Variants in DNAH17 observed in about 807,000 individuals in gnomAD.
The protein encoded by DNAH17 is axonemal beta dynein heavy chain 17.
Under a neutral mutation model 485.6 loss-of-function variants are expected in DNAH17, and 376 were observed. That is an observed-to-expected ratio of 0.77 (90% confidence interval 0.71 to 0.84). The LOEUF is 0.84. Ranked by LOEUF, DNAH17 falls within the 40% of genes least tolerant of loss-of-function variation. The pLI is 0.00. For missense variants in DNAH17, 6,370 were observed against 5,839.3 expected, an observed-to-expected ratio of 1.09 and a Z score of -2.96; for synonymous variants, 3,031 against 2,405.9, an observed-to-expected ratio of 1.26 and a Z score of -7.60.
At chr17:78,539,392 A>T (rs1369803113) in intron 18 of DNAH17, among the ~76,000 whole-genome samples, 1 of 152,156 alleles carries the variant, frequency 6.6e-6, no homozygotes, top group East Asian at 1.9e-4. Flanking sequence ...GTTGTTGCTG[A>T]CAGGAGACCC....
Position 78,423,988 on chromosome 17 carries a change from T to A in DNAH17, c.13307A>T (p.Tyr4436Phe), listed in dbSNP as rs746936275. 38 of 1,613,844 alleles carry A rather than the reference T, an allele frequency of 2.4e-5. No homozygotes were observed. The South Asian group carries it at 3.8e-4, about 16-fold the overall frequency. Residue 4436 changes from tyrosine (Y) to phenylalanine (F), a missense_variant, in exon 81 of 81, where the codon TAT (tyrosine) becomes TTT (phenylalanine). Coordinates refer to ENST00000389840, the MANE Select transcript of DNAH17 (RefSeq NM_173628.4). ...VYKTRIRGPT[Y>F]VWTFNLKTKE... is the part of the protein sequence containing the mutation. ...GGTCTTCAAGTTAAAGGTCCAGACA[T>A]AGGTGGGGCCGCGGATGCGTGTTTT...
intron 75 of DNAH17, among the ~76,000 whole-genome samples, chr17:78,433,074 C>T (rs1243969973): frequency 6.6e-6 from 1 of 152,154 alleles, no homozygotes; most frequent in Non-Finnish European, 1.5e-5. Flanking sequence ...ACCTTGCTCT[C>T]TCTGAGCCAG....
chr17:78,508,969 GTT>G (rs112772580), intron 27 of DNAH17, among the ~76,000 whole-genome samples: 3 of 98,794 alleles, frequency 3.0e-5, no homozygotes, highest in Admixed American at 2.1e-4. Context: ...GTGCCCAGCT[GTT>G]TTTTTTTTTT....
At chr17:78,532,988 C>A (rs2091281699) in intron 19 of DNAH17, 2 of 356,614 alleles carry the variant, frequency 5.6e-6, no homozygotes, top group South Asian at 4.1e-5. Context: ...AACTCCTGGG[C>A]TCAAGCGATC....
At chr17:78,443,517 T>TA (rs950434216) in intron 71 of DNAH17, among the ~76,000 whole-genome samples, 3 of 151,142 alleles carry the variant, frequency 2.0e-5, no homozygotes, top group African/African-American at 7.3e-5. Context: ...TCCTGGGAGT[T>TA]AGGCCTCTGC....
At chr17:78,471,968 C>T (rs1267079868) in intron 54 of DNAH17, among the ~76,000 whole-genome samples, 1 of 152,232 alleles carries the variant, frequency 6.6e-6, no homozygotes, top group Non-Finnish European at 1.5e-5. Context: ...CTCCCCCACC[C>T]TCCCTCCTAT....
At chr17:78,519,124 C>T (rs903275730) in intron 25 of DNAH17, among the ~76,000 whole-genome samples, 2 of 130,308 alleles carry the variant, frequency 1.5e-5, no homozygotes, top group East Asian at 2.3e-4. Flanking sequence ...GCCAAGATAG[C>T]GCCACTGCAG....
intron 74 of DNAH17, among the ~76,000 whole-genome samples, chr17:78,436,138 G>T (rs2086844204): frequency 6.6e-6 from 1 of 152,314 alleles, no homozygotes; most frequent in East Asian, 1.9e-4. Flanking sequence ...GAATGATACA[G>T]GGTGTTGGCC....
intron 58 of DNAH17, 96 bp from the exon 59 acceptor site, chr17:78,460,353 TGCATGTATGC>T: frequency 9.9e-7 from 1 of 1,008,490 alleles, no homozygotes; most frequent in Non-Finnish European, 1.5e-6. Flanking sequence ...TGCATGTGTG[TGCATGTATGC>T]ACGTGCATGA....
At chr17:78,532,301 C>T (rs560584547) in intron 20 of DNAH17, among the ~76,000 whole-genome samples, 181 bp downstream of exon 20, 2 of 152,342 alleles carry the variant, frequency 1.3e-5, no homozygotes, top group South Asian at 4.1e-4. Flanking sequence ...GCTATGCCCC[C>T]TTCTTGGGAA....
chr17:78,512,200 G>A (rs1392600481), intron 26 of DNAH17, among the ~76,000 whole-genome samples: 6 of 152,164 alleles, frequency 3.9e-5, no homozygotes, highest in Non-Finnish European at 2.9e-5. Flanking sequence ...GGAAGCCGTG[G>A]GCTAAGCATT....
At chr17:78,510,781 A>C in intron 26 of DNAH17, 1 of 382,910 alleles carries the variant, frequency 2.6e-6, no homozygotes, top group Non-Finnish European at 4.9e-6. Context: ...TCCGCCCAGA[A>C]CCTTCACGTG....
At chr17:78,511,758 T>C (rs576140457) in intron 26 of DNAH17, among the ~76,000 whole-genome samples, 18 of 152,382 alleles carry the variant, frequency 1.2e-4, no homozygotes, top group African/African-American at 4.3e-4. Context: ...GGGACATATG[T>C]GCCCGAGGCT....
At chr17:78,560,274 G>C (rs764868949) in intron 13 of DNAH17, among the ~76,000 whole-genome samples, 1 of 152,174 alleles carries the variant, frequency 6.6e-6, no homozygotes, top group Non-Finnish European at 1.5e-5. Context: ...AGGAAGAGCC[G>C]CATCTCTGGT....
chr17:78,508,577 T>TA (rs1286675905), intron 27 of DNAH17, among the ~76,000 whole-genome samples: 1 of 152,084 alleles, frequency 6.6e-6, no homozygotes, highest in East Asian at 1.9e-4. Context: ...GAAAAAACCC[T>TA]AAAAGCATAG....
At chr17:78,463,716 G>A (rs2088269633) in intron 56 of DNAH17, among the ~76,000 whole-genome samples, 1 of 152,242 alleles carries the variant, frequency 6.6e-6, no homozygotes, top group African/African-American at 2.4e-5. Context: ...CTGGGTCCTG[G>A]GATTTAGAAC....
chr17:78,458,363 C>T (rs530357948), intron 62 of DNAH17: 39 of 587,520 alleles, frequency 6.6e-5, no homozygotes, highest in Non-Finnish European at 1.0e-4. Flanking sequence ...CTTGGAACCA[C>T]GCGACAGGGC....
intron 17 of DNAH17, among the ~76,000 whole-genome samples, chr17:78,542,870 G>A (rs1212106427): frequency 6.6e-6 from 1 of 152,232 alleles, no homozygotes; most frequent in Admixed American, 6.5e-5. Context: ...CACACTCATG[G>A]ATGGGAAATC....
At position 78,467,017 on chromosome 17, in the gene DNAH17, C is replaced by CT. The variant is rs201347707; in HGVS notation, c.8779-202dup. Among the ~76,000 whole-genome samples the CT allele has an allele frequency of 5.7e-3, 874 of 152,352 alleles. 9 individuals carry two copies. Among genetic ancestry groups the CT allele is most frequent in the African/African-American group, 0.019 (801 of 41,590 alleles). ...GATAAATGCTCATCTGGCTTCATGC[C>CT]TCTCGCTAGCAGTCCCAATCCCTCT... is the stretch of plus-strand genomic sequence containing the variant. On this transcript the variant is annotated intron_variant, in intron 55 of 80. Transcript: ENST00000389840.
Sources: gnomAD v4.1 joint callset for allele counts (sites outside exome capture counted in the v4.1 genomes callset) on GRCh38, gnomAD v4.1.1 for gene constraint, MANE v1.5 for transcripts, NCBI Gene and HGNC (gene_info 2026-07-23, HGNC 2026-07-21) for gene names.